Variants in CNTNAP5 observed in about 807,000 individuals in gnomAD.
The protein encoded by CNTNAP5 is contactin associated protein family member 5, also known as contactin-associated protein-like 5.
Under a neutral mutation model 150.2 loss-of-function variants are expected in CNTNAP5, and 72 were observed. The ratio of observed to expected loss-of-function variants is 0.48; its 90% CI spans 0.40 to 0.58. CNTNAP5 has a LOEUF of 0.58. Among genes scored for constraint, CNTNAP5 ranks in the 20% least tolerant of loss-of-function variants. The pLI is 0.00. For synonymous variants in CNTNAP5, 672 were observed against 619.8 expected (o/e 1.08, Z -1.25); for missense variants, 1,636 against 1,626.2 (o/e 1.01, Z -0.10).
At chr2:124,333,753 G>A (rs1198711670) in intron 3 of CNTNAP5, among the ~76,000 whole-genome samples, 1 of 152,092 alleles carries the variant, frequency 6.6e-6, no homozygotes, top group Non-Finnish European at 1.5e-5. Context: ...GACCAACAAA[G>A]AATTTGTGGC....
chr2:124,467,398 T>C (rs1693402284), intron 6 of CNTNAP5, among the ~76,000 whole-genome samples: 1 of 151,986 alleles, frequency 6.6e-6, no homozygotes, highest in Non-Finnish European at 1.5e-5. Flanking sequence ...TTGAGGATGA[T>C]CAGTATTCAA....
At chr2:124,395,097 T>C (rs56088354) in intron 3 of CNTNAP5, among the ~76,000 whole-genome samples, 1 of 151,932 alleles carries the variant, frequency 6.6e-6, no homozygotes, top group Non-Finnish European at 1.5e-5. Context: ...ACAAACAAAG[T>C]TGGAATCGGG....
At chr2:124,517,321 AG>A (rs1694744254) in intron 8 of CNTNAP5, among the ~76,000 whole-genome samples, 1 of 137,486 alleles carries the variant, frequency 7.3e-6, no homozygotes, top group Admixed American at 7.4e-5. Flanking sequence ...ATGGTGATGG[AG>A]GGTTGTGGTG....
chr2:124,235,855 C>CTCAA (rs1311850410), intron 2 of CNTNAP5, among the ~76,000 whole-genome samples: 1 of 152,176 alleles, frequency 6.6e-6, no homozygotes, highest in Middle Eastern at 3.2e-3. Context: ...GCAGACTGGT[C>CTCAA]TCAATCAGGG....
At chr2:124,435,064 C>T (rs901660988) in intron 5 of CNTNAP5, among the ~76,000 whole-genome samples, 9 of 152,190 alleles carry the variant, frequency 5.9e-5, no homozygotes, top group South Asian at 2.1e-4. Context: ...GGGAAAATGA[C>T]GGGGAAACAT....
intron 11 of CNTNAP5, among the ~76,000 whole-genome samples, chr2:124,582,240 A>G (rs1696430885): frequency 6.6e-6 from 1 of 152,082 alleles, no homozygotes; most frequent in Non-Finnish European, 1.5e-5. Context: ...TGGGAATTGG[A>G]TGGCACAGGC....
At chr2:124,350,828 A>G (rs1208994399) in intron 3 of CNTNAP5, among the ~76,000 whole-genome samples, 2 of 152,182 alleles carry the variant, frequency 1.3e-5, no homozygotes, top group East Asian at 1.9e-4. Flanking sequence ...GCATCCTGAG[A>G]TAGTAACTCA....
chr2:124,134,362 A>G (rs1001763516), intron 1 of CNTNAP5, among the ~76,000 whole-genome samples: 5 of 147,288 alleles, frequency 3.4e-5, no homozygotes, highest in Non-Finnish European at 1.5e-5. Context: ...TTGAAAAAGA[A>G]AAAAAAAAAA....
At chr2:124,626,468 C>T (rs1328524328) in intron 12 of CNTNAP5, among the ~76,000 whole-genome samples, 1 of 152,060 alleles carries the variant, frequency 6.6e-6, no homozygotes, top group African/African-American at 2.4e-5. Context: ...GGGAGCTGCA[C>T]TGAGTGGGTG....
At chr2:124,833,782 T>G (rs1254126821) in intron 19 of CNTNAP5, among the ~76,000 whole-genome samples, 1 of 152,108 alleles carries the variant, frequency 6.6e-6, no homozygotes, top group African/African-American at 2.4e-5. Flanking sequence ...ATCATTAACT[T>G]CATCAGATAC....
intron 10 of CNTNAP5, among the ~76,000 whole-genome samples, chr2:124,543,295 T>TA (rs1448884968): frequency 7.1e-6 from 1 of 140,142 alleles, no homozygotes; most frequent in Non-Finnish European, 1.5e-5. Flanking sequence ...TTATCCATAT[T>TA]ACAATCTTGT....
intron 3 of CNTNAP5, among the ~76,000 whole-genome samples, chr2:124,291,703 C>G (rs1262894640): frequency 2.0e-5 from 3 of 151,916 alleles, no homozygotes; most frequent in Admixed American, 2.0e-4. Context: ...TTGAAATGGC[C>G]TTCAAATTAT....
intron 7 of CNTNAP5, among the ~76,000 whole-genome samples, chr2:124,496,217 G>T (rs548664841): frequency 6.6e-5 from 10 of 152,122 alleles, no homozygotes; most frequent in African/African-American, 2.4e-4. Context: ...TTTGATTCCC[G>T]AGTCACCCTG....
intron 13 of CNTNAP5, among the ~76,000 whole-genome samples, chr2:124,734,573 C>T (rs1377920545): frequency 6.6e-6 from 1 of 151,934 alleles, no homozygotes; most frequent in Non-Finnish European, 1.5e-5. Flanking sequence ...AGCATCATCA[C>T]ATGCACACTA....
At chr2:124,738,199 C>A (rs927379016) in intron 13 of CNTNAP5, among the ~76,000 whole-genome samples, 10 of 152,088 alleles carry the variant, frequency 6.6e-5, no homozygotes, top group African/African-American at 2.4e-4. Flanking sequence ...ATAGAGGTTT[C>A]TTTATTACAT....
chr2:124,718,715 G>C (rs114944443), intron 13 of CNTNAP5, among the ~76,000 whole-genome samples: 1 of 152,134 alleles, frequency 6.6e-6, no homozygotes, highest in South Asian at 2.1e-4. Context: ...GGGCCAAAGC[G>C]AGCAGATCAC....
At chr2:124,634,268 G>A (rs1231629503) in intron 12 of CNTNAP5, among the ~76,000 whole-genome samples, 4 of 152,094 alleles carry the variant, frequency 2.6e-5, no homozygotes, top group African/African-American at 9.7e-5. Flanking sequence ...ATGAATATGA[G>A]CACATGCTGT....
intron 13 of CNTNAP5, among the ~76,000 whole-genome samples, chr2:124,724,785 A>T (rs768790947): frequency 3.3e-5 from 5 of 152,070 alleles, no homozygotes; most frequent in Non-Finnish European, 5.9e-5. Context: ...AGGGAGGGTC[A>T]TGGGAAGACA....
At chr2:124,864,084 C>T (rs1447196659) in intron 19 of CNTNAP5, among the ~76,000 whole-genome samples, 1 of 152,160 alleles carries the variant, frequency 6.6e-6, no homozygotes, top group Non-Finnish European at 1.5e-5. Context: ...GCTCAACTCT[C>T]ACAGCCAGTG....
Sources: allele counts gnomAD v4.1 joint callset (sites outside exome capture counted in the v4.1 genomes callset), GRCh38; gene constraint gnomAD v4.1.1; transcripts MANE v1.5; gene names NCBI Gene and HGNC (gene_info 2026-07-23, HGNC 2026-07-21).